Variants in TNNI3K observed in about 807,000 individuals in gnomAD.
The protein encoded by TNNI3K is TNNI3 interacting kinase, also known as serine/threonine-protein kinase TNNI3K.
In TNNI3K, 140 loss-of-function variants were observed where a neutral mutation model predicts 114.5. The observed-to-expected ratio is 1.22, with a 90% CI of 1.07 to 1.41. The LOEUF (loss-of-function observed/expected upper bound fraction) is 1.41, where lower values mean the gene tolerates loss of function less well. Ranked by LOEUF, TNNI3K falls within the 40% of genes most tolerant of loss-of-function variation. The probability of loss-of-function intolerance (pLI) is 0.00; values close to 1 mark genes in which losing one functional copy is unlikely to be tolerated. For missense variants in TNNI3K, 1,125 were observed against 1,007.6 expected, an observed-to-expected ratio of 1.12 and a Z score of -1.58; for synonymous variants, 347 against 347.5, an observed-to-expected ratio of 1.00 and a Z score of 0.02.
chr1:74,353,399 T>G, intron 10 of TNNI3K, 39 bp downstream of exon 10: 1 of 1,604,500 alleles, frequency 6.2e-7, no homozygotes, highest in Non-Finnish European at 8.5e-7. Flanking sequence ...TCTATATGCT[T>G]ATCAATGATT....
chr1:74,264,619 T>C (rs1655861586), intron 4 of TNNI3K, among the ~76,000 whole-genome samples: 1 of 152,116 alleles, frequency 6.6e-6, no homozygotes, highest in Non-Finnish European at 1.5e-5. Context: ...AACTTAGTTT[T>C]CTTTCCAATC....
intron 5 of TNNI3K, among the ~76,000 whole-genome samples, chr1:74,273,958 A>G (rs1437774973): frequency 6.6e-6 from 1 of 151,908 alleles, no homozygotes; most frequent in Non-Finnish European, 1.5e-5. Flanking sequence ...ATTTCTTTGA[A>G]AACTATTACC....
At chr1:74,400,713 A>G (rs762770590) in intron 17 of TNNI3K, among the ~76,000 whole-genome samples, 3 of 152,226 alleles carry the variant, frequency 2.0e-5, no homozygotes, top group Middle Eastern at 3.2e-3. Context: ...CAATAAGCTC[A>G]TGAGAGAACT....
intron 17 of TNNI3K, among the ~76,000 whole-genome samples, chr1:74,429,290 A>C (rs775113298): frequency 5.3e-5 from 8 of 152,126 alleles, no homozygotes; most frequent in Non-Finnish European, 1.0e-4. Flanking sequence ...TAAGAAAAAG[A>C]CCAAAATAGG....
chr1:74,436,719 A>G (rs1464716306), intron 19 of TNNI3K, among the ~76,000 whole-genome samples, 193 bp downstream of exon 19: 1 of 152,078 alleles, frequency 6.6e-6, no homozygotes, highest in East Asian at 1.9e-4. Context: ...AGAAATAGAT[A>G]AGATATATAT....
At chr1:74,345,679 G>A (rs751569769) in intron 9 of TNNI3K, among the ~76,000 whole-genome samples, 1 of 152,078 alleles carries the variant, frequency 6.6e-6, no homozygotes, top group Non-Finnish European at 1.5e-5. Flanking sequence ...GTTCTTTCCA[G>A]TCAGTTATTA....
chr1:74,273,914 T>C (rs537443696), intron 5 of TNNI3K, among the ~76,000 whole-genome samples: 28 of 152,044 alleles, frequency 1.8e-4, no homozygotes, highest in African/African-American at 6.0e-4. Flanking sequence ...CTATCTAAAA[T>C]AATTATATTC....
intron 23 of TNNI3K, among the ~76,000 whole-genome samples, chr1:74,537,879 T>C (rs1646678972): frequency 6.6e-6 from 1 of 152,200 alleles, no homozygotes; most frequent in African/African-American, 2.4e-5. Flanking sequence ...ATTTCAGCAA[T>C]GTTCAAAGTG....
chr1:74,241,558 T>C (rs1007738118), intron 2 of TNNI3K, among the ~76,000 whole-genome samples: 1 of 152,192 alleles, frequency 6.6e-6, no homozygotes, highest in Non-Finnish European at 1.5e-5. Flanking sequence ...TCATGTGTCT[T>C]TTGGCTGCAT....
intron 5 of TNNI3K, among the ~76,000 whole-genome samples, chr1:74,316,424 A>G (rs1557492844): frequency 6.6e-6 from 1 of 152,126 alleles, no homozygotes; most frequent in African/African-American, 2.4e-5. Flanking sequence ...TTCCTTTCTA[A>G]CCTTCATCTC....
intron 17 of TNNI3K, among the ~76,000 whole-genome samples, chr1:74,429,971 G>A (rs919800700): frequency 1.3e-5 from 2 of 152,068 alleles, no homozygotes; most frequent in Admixed American, 6.6e-5. Context: ...GACGCTGAGA[G>A]GTTGGCCGTG....
At chr1:74,461,400 A>G (rs897473924) in intron 20 of TNNI3K, among the ~76,000 whole-genome samples, 4 of 151,808 alleles carry the variant, frequency 2.6e-5, no homozygotes, top group African/African-American at 9.7e-5. Context: ...GAATCACTTG[A>G]ACCCAGGAGG....
At chr1:74,295,700 T>A (rs1657936387) in intron 5 of TNNI3K, among the ~76,000 whole-genome samples, 1 of 152,174 alleles carries the variant, frequency 6.6e-6, no homozygotes, top group African/African-American at 2.4e-5. Flanking sequence ...TTGCATGACA[T>A]TTTTCTTTTG....
At chr1:74,486,576 A>G (rs1668781070) in intron 21 of TNNI3K, among the ~76,000 whole-genome samples, 1 of 151,464 alleles carries the variant, frequency 6.6e-6, no homozygotes, top group Non-Finnish European at 1.5e-5. Context: ...AAGGCTATAA[A>G]TATAATTAAT....
At chr1:74,461,870 C>T (rs1032009362) in intron 20 of TNNI3K, among the ~76,000 whole-genome samples, 1 of 152,150 alleles carries the variant, frequency 6.6e-6, no homozygotes, top group Non-Finnish European at 1.5e-5. Flanking sequence ...GAAGTGTTTA[C>T]ACCCAAATTT....
At chr1:74,355,608 T>C (rs188435969) in intron 11 of TNNI3K, among the ~76,000 whole-genome samples, 3 of 150,860 alleles carry the variant, frequency 2.0e-5, no homozygotes, top group Admixed American at 6.6e-5. Flanking sequence ...GTCTCAAAAA[T>C]AAATAAATAA....
intron 5 of TNNI3K, among the ~76,000 whole-genome samples, chr1:74,297,277 TTATGGGC>T (rs1445938608): frequency 6.6e-6 from 1 of 152,200 alleles, no homozygotes; most frequent in East Asian, 1.9e-4. Flanking sequence ...AGCTAGTGTG[TTATGGGC>T]TGAACACTGG....
At chr1:74,278,788 C>T (rs1656830636) in intron 5 of TNNI3K, among the ~76,000 whole-genome samples, 2 of 152,118 alleles carry the variant, frequency 1.3e-5, no homozygotes, top group African/African-American at 2.4e-5. Context: ...CCAAGACAAC[C>T]ATGAATCTAC....
chr1:74,429,133 C>T lies in TNNI3K; in HGVS notation c.1773-6947C>T, dbSNP rs545030429. On this transcript the variant is annotated intron_variant, in intron 17 of 24. Transcript: ENST00000326637. ...AGGAGCTAATCTCCCTGAGCCCAAA[C>T]GTACTGTCTCTGTTATCCTGGGGCT... 3.3e-5 allele frequency among the ~76,000 whole-genome samples: 5 copies of T among 152,210 alleles called. No homozygotes were observed. In the East Asian group the frequency reaches 9.7e-4, roughly 30 times the overall value.
Sources: allele counts gnomAD v4.1 joint callset (sites outside exome capture counted in the v4.1 genomes callset), GRCh38; gene constraint gnomAD v4.1.1; transcripts MANE v1.5; gene names NCBI Gene and HGNC (gene_info 2026-07-23, HGNC 2026-07-21).